MYOF: variants seen among roughly 807,000 people sequenced by gnomAD.
The protein encoded by MYOF is fer-1-like 3, myoferlin.
A neutral mutation model predicts 284.2 loss-of-function variants in MYOF; 244 were observed. The ratio of observed to expected loss-of-function variants is 0.86; its 90% confidence interval spans 0.77 to 0.95. The LOEUF (loss-of-function observed/expected upper bound fraction) is 0.95, where lower values mean the gene tolerates loss of function less well. Among genes scored for constraint, MYOF ranks in the 40% least tolerant of loss-of-function variants. MYOF has a pLI of 0.00. For synonymous variants in MYOF, 904 were observed against 919.7 expected (o/e 0.98, Z 0.31); for missense variants, 2,496 against 2,560.6 (o/e 0.97, Z 0.54).
intron 1 of MYOF, among the ~76,000 whole-genome samples, chr10:93,458,181 C>A (rs1300828328): frequency 6.6e-6 from 1 of 151,542 alleles, no homozygotes; most frequent in Non-Finnish European, 1.5e-5. Context: ...AATGAAACCC[C>A]ATCTCTACAA....
intron 16 of MYOF, among the ~76,000 whole-genome samples, chr10:93,393,600 C>A (rs1375425626): frequency 6.6e-6 from 1 of 152,176 alleles, no homozygotes; most frequent in African/African-American, 2.4e-5. Flanking sequence ...GAATAATTAT[C>A]TTTAGATATT....
chr10:93,316,860 T>A, intron 49 of MYOF, 47 bp from the exon 50 acceptor site: 1 of 1,505,826 alleles, frequency 6.6e-7, no homozygotes, highest in Non-Finnish European at 9.2e-7. Context: ...AACACTCACC[T>A]TTGGCTCCTT....
chr10:93,312,631 C>A (rs963635154), intron 51 of MYOF, among the ~76,000 whole-genome samples: 1 of 151,850 alleles, frequency 6.6e-6, no homozygotes, highest in Non-Finnish European at 1.5e-5. Context: ...GCATGAGCCA[C>A]CACACCCAGC....
intron 3 of MYOF, among the ~76,000 whole-genome samples, chr10:93,440,695 T>C (rs180814921): frequency 6.6e-6 from 1 of 152,316 alleles, no homozygotes; most frequent in East Asian, 1.9e-4. Flanking sequence ...TCATTGAAGA[T>C]AGTCCAATGA....
intron 5 of MYOF, among the ~76,000 whole-genome samples, chr10:93,410,018 G>T (rs1847833757): frequency 6.6e-6 from 1 of 152,218 alleles, no homozygotes; most frequent in South Asian, 2.1e-4. Flanking sequence ...AGAGGAGATG[G>T]CACCGTTGGA....
chr10:93,470,483 C>A (rs575044338), intron 1 of MYOF, among the ~76,000 whole-genome samples: 21 of 152,040 alleles, frequency 1.4e-4, no homozygotes, highest in African/African-American at 4.8e-4. Context: ...TCACTGCAAC[C>A]TCTGTCTCCC....
chr10:93,360,860 C>T (rs1845036053), intron 28 of MYOF, among the ~76,000 whole-genome samples: 1 of 152,144 alleles, frequency 6.6e-6, no homozygotes, highest in South Asian at 2.1e-4. Flanking sequence ...CAGCTCCCTC[C>T]CAAATTCTCA....
Position 93,356,664 on chromosome 10 carries a change from C to T in MYOF, c.3294+11G>A, listed in dbSNP as rs1279274168. 3.1e-6 allele frequency: 5 copies of T among 1,610,530 alleles called. No homozygotes were observed. Among genetic ancestry groups the T allele is most frequent in the Non-Finnish European group, 4.2e-6 (5 of 1,178,606 alleles). On this transcript the variant is annotated intron_variant, in intron 30 of 53. Transcript: ENST00000359263. The stretch of plus-strand genomic sequence containing the variant: ...CCAATATGATCTGCGCTCTGGCAAC[C>T]TAGTACTTACAAGGGCACCTTCAAG...
Position 93,366,457 on chromosome 10 carries a change from C to T in MYOF, c.2688G>A (p.Arg896=). The change falls in exon 26 of 54, where the codon AGG becomes AGA. Residue 896 remains arginine, a synonymous_variant. Transcript: ENST00000359263. ...AGCCTTTTGGAGGCAGAAAAAATTCCCTCTTGAGTTTTATTTTTCCTGTGA... is the reference window on the plus strand; with the variant it reads ...AGCCTTTTGGAGGCAGAAAAAATTCTCTCTTGAGTTTTATTTTTCCTGTGA... ...SDVTGKIKLK[R]EFFLPPKGWE... 6.2e-7 allele frequency: 1 copy of T among 1,613,918 alleles called. No homozygotes were observed. The highest frequency in any genetic ancestry group is 8.5e-7 in the Non-Finnish European group (1 of 1,179,960).
chr10:93,452,481 C>T (rs944822269), intron 2 of MYOF, among the ~76,000 whole-genome samples: 2 of 143,936 alleles, frequency 1.4e-5, no homozygotes, highest in African/African-American at 5.2e-5. Context: ...GTGTTGTTCT[C>T]ACTCATAAGT....
intron 1 of MYOF, among the ~76,000 whole-genome samples, chr10:93,473,230 G>A (rs1358808134): frequency 6.6e-6 from 1 of 152,212 alleles, no homozygotes; most frequent in Non-Finnish European, 1.5e-5. Context: ...ATCCCTGGAA[G>A]GAGACAGGCT....
intron 4 of MYOF, 134 bp from the exon 5 acceptor site, chr10:93,426,292 A>G (rs961232359): frequency 2.4e-6 from 2 of 818,248 alleles, no homozygotes; most frequent in African/African-American, 1.7e-5. Flanking sequence ...GCGAGGCTGG[A>G]AACGGGGAGA....
intron 40 of MYOF, among the ~76,000 whole-genome samples, chr10:93,337,331 C>T (rs904029943): frequency 3.9e-5 from 6 of 152,054 alleles, no homozygotes; most frequent in Non-Finnish European, 8.8e-5. Context: ...TCAGCCGTGC[C>T]TAGCTCAGTC....
intron 50 of MYOF, among the ~76,000 whole-genome samples, chr10:93,316,195 G>A (rs1842603869): frequency 6.6e-6 from 1 of 152,042 alleles, no homozygotes; most frequent in South Asian, 2.1e-4. Context: ...CCAGAGCCTG[G>A]GAGAGTGAAA....
intron 40 of MYOF, among the ~76,000 whole-genome samples, chr10:93,336,835 A>T (rs76054598): frequency 0.015 from 2,288 of 149,346 alleles, 57 homozygotes; most frequent in African/African-American, 0.055. Flanking sequence ...AAGGGAGGGA[A>T]GGCAGGAAGA....
intron 13 of MYOF, 25 bp from the exon 14 acceptor site, chr10:93,397,481 G>T (rs373368360): frequency 6.4e-7 from 1 of 1,572,738 alleles, no homozygotes; most frequent in Non-Finnish European, 8.6e-7. Flanking sequence ...AAGCAAAAGT[G>T]TAGGTTTTCA....
At chr10:93,455,229 C>T (rs904139995) in intron 2 of MYOF, among the ~76,000 whole-genome samples, 2 of 151,100 alleles carry the variant, frequency 1.3e-5, no homozygotes, top group African/African-American at 4.9e-5. Flanking sequence ...GCGGAGGTTA[C>T]GGTGAGCAAC....
chr10:93,381,262 C>T lies in MYOF; in HGVS notation c.1833G>A (p.Lys611=). ...TGTACTGAGTTGTTGATGCCAAAGG[C>T]TTACAGGTGGTGTCAAACTTGTTGC... ...NYGNKFDTTC[K]PLASTTQYSR... Residue 611 remains lysine (K), a synonymous_variant, in exon 20 of 54, where the codon AAG becomes AAA. Transcript: ENST00000359263. 6.2e-7 allele frequency: 1 copy of T among 1,614,208 alleles called. No individual in the cohort carries two copies. Among genetic ancestry groups the T allele is most frequent in the East Asian group, 2.2e-5 (1 of 44,882 alleles).
intron 31 of MYOF, 72 bp from the exon 32 acceptor site, chr10:93,353,960 G>GA (rs1844661326): frequency 1.7e-6 from 2 of 1,206,678 alleles, no homozygotes; most frequent in Non-Finnish European, 2.4e-6. Context: ...GGAATATTTG[G>GA]AAAAAATACA....
Sources: allele counts gnomAD v4.1 joint callset (sites outside exome capture counted in the v4.1 genomes callset), GRCh38; gene constraint gnomAD v4.1.1; transcripts MANE v1.5; gene names NCBI Gene and HGNC (gene_info 2026-07-23, HGNC 2026-07-21).